Variants in DIAPH2 observed in about 807,000 individuals in gnomAD.
DIAPH2 encodes protein diaphanous homolog 2.
Under a neutral mutation model 92.7 loss-of-function variants are expected in DIAPH2, and 35 were observed. The observed-to-expected ratio is 0.38, with a 90% CI of 0.29 to 0.50. DIAPH2 has a LOEUF of 0.50. Among genes scored for constraint, DIAPH2 ranks in the 20% least tolerant of loss-of-function variants. The pLI, the probability that DIAPH2 is intolerant of heterozygous loss-of-function variation, is 0.94. For synonymous variants in DIAPH2, 301 were observed against 280.4 expected, an observed-to-expected ratio of 1.07 and a Z score of -0.73; for missense variants, 701 against 819.5, an observed-to-expected ratio of 0.86 and a Z score of 1.77.
intron 4 of DIAPH2, among the ~76,000 whole-genome samples, chrX:96,809,243 C>CA (rs1320736455): frequency 1.8e-5 from 2 of 108,456 alleles, no homozygotes; most frequent in East Asian, 2.9e-4. Context: ...CCTCTTATTC[C>CA]AAAAAAGTAA....
chrX:97,087,491 C>A (rs1015513891), intron 19 of DIAPH2, among the ~76,000 whole-genome samples: 12 of 111,450 alleles, frequency 1.1e-4, no homozygotes, highest in Non-Finnish European at 1.5e-4. Flanking sequence ...ACTTAAAATA[C>A]CACTCTCAGT....
intron 17 of DIAPH2, among the ~76,000 whole-genome samples, chrX:97,037,429 G>T (rs1470474258): frequency 9.0e-6 from 1 of 111,518 alleles, no homozygotes; most frequent in Non-Finnish European, 1.9e-5. Flanking sequence ...CTTCCTGCAA[G>T]CATTGCCTTG....
intron 17 of DIAPH2, among the ~76,000 whole-genome samples, chrX:97,038,090 A>G (rs1053549665): frequency 6.3e-5 from 7 of 111,355 alleles, no homozygotes; most frequent in Non-Finnish European, 9.4e-5. Context: ...GCTCCTACTT[A>G]TAAGTGACAA....
At chrX:96,734,476 A>G (rs1408332619) in intron 1 of DIAPH2, among the ~76,000 whole-genome samples, 1 of 111,947 alleles carries the variant, frequency 8.9e-6, no homozygotes, top group African/African-American at 3.2e-5. Context: ...ATAACCCACT[A>G]GAAAAATTAA....
intron 17 of DIAPH2, among the ~76,000 whole-genome samples, chrX:96,967,659 C>T (rs1256669697): frequency 2.7e-5 from 3 of 110,600 alleles, no homozygotes; most frequent in African/African-American, 9.9e-5. Flanking sequence ...TCAGGTAATC[C>T]ACCCGCCTCG....
intron 3 of DIAPH2, among the ~76,000 whole-genome samples, chrX:96,740,883 A>G (rs1332674582): frequency 9.0e-6 from 1 of 110,560 alleles, no homozygotes; most frequent in Non-Finnish European, 1.9e-5. Context: ...TCCCTCAACT[A>G]TGCCCCTAGA....
chrX:97,603,985 A>T lies in DIAPH2; in HGVS notation c.*4668A>T, dbSNP rs2071608141. 1 of 112,613 alleles carries T rather than the reference A, an allele frequency of 8.9e-6. No individual in the cohort carries two copies. The allele number at this position is 112,613 out of a possible 1,213,427, so 9.3% of individuals were successfully genotyped here. A position where few individuals can be genotyped will look rare whatever the true frequency, so the allele number is the denominator to read the frequency against. ...GTTCCACAATCTGCATTAGATTCCC[A>T]TGGCTGCTGTAACAAATTACCCTCT... On this transcript the variant is annotated 3_prime_UTR_variant, in exon 27 of 27. Coordinates refer to ENST00000324765, the MANE Select transcript of DIAPH2 (RefSeq NM_006729.5).
At chrX:97,583,932 T>C (rs2147881717) in intron 26 of DIAPH2, among the ~76,000 whole-genome samples, 1 of 112,184 alleles carries the variant, frequency 8.9e-6, no homozygotes, top group Admixed American at 9.3e-5. Context: ...AGTGACCCGA[T>C]TTTCCAGGTG....
chrX:97,507,138 C>A (rs868831401), intron 26 of DIAPH2, among the ~76,000 whole-genome samples: 4 of 46,684 alleles, frequency 8.6e-5, no homozygotes, highest in African/African-American at 2.1e-4. Context: ...TGAACAAAAC[C>A]GACAAAAAAA....
At chrX:97,381,907 G>A (rs752266344) in intron 24 of DIAPH2, among the ~76,000 whole-genome samples, 8 of 110,898 alleles carry the variant, frequency 7.2e-5, no homozygotes, top group African/African-American at 1.3e-4. Context: ...GTAACCAGCC[G>A]TTTTTTTTCC....
intron 4 of DIAPH2, among the ~76,000 whole-genome samples, chrX:96,834,850 T>A (rs1460234277): frequency 8.9e-6 from 1 of 111,785 alleles, no homozygotes; most frequent in South Asian, 3.7e-4. Context: ...TACCTTTTGA[T>A]TGTATTTGCA....
chrX:97,245,088 T>TA (rs34947451), intron 22 of DIAPH2, among the ~76,000 whole-genome samples: 343 of 94,617 alleles, frequency 3.6e-3, no homozygotes, highest in African/African-American at 8.7e-3. Context: ...AGACTCCGTC[T>TA]AAAAAAAAAA....
intron 23 of DIAPH2, among the ~76,000 whole-genome samples, chrX:97,312,049 C>G (rs771674047): frequency 1.8e-5 from 2 of 110,204 alleles, no homozygotes; most frequent in Admixed American, 9.7e-5. Flanking sequence ...AGGATGGTCT[C>G]GATCTCCTAA....
chrX:97,497,237 A>G (rs1467795394), intron 26 of DIAPH2, among the ~76,000 whole-genome samples: 2 of 111,353 alleles, frequency 1.8e-5, no homozygotes, highest in African/African-American at 3.3e-5. Context: ...CCAGGACCAA[A>G]TAAGATATCA....
At chrX:97,209,427 A>T (rs765049946) in intron 22 of DIAPH2, among the ~76,000 whole-genome samples, 1 of 111,759 alleles carries the variant, frequency 8.9e-6, no homozygotes, top group Admixed American at 9.5e-5. Flanking sequence ...ATTTTAAAAA[A>T]TTGTGCCAAT....
chrX:97,353,650 T>C (rs2069239244), intron 24 of DIAPH2, among the ~76,000 whole-genome samples: 1 of 111,322 alleles, frequency 9.0e-6, no homozygotes, highest in Non-Finnish European at 1.9e-5. Flanking sequence ...CTTTTAATCA[T>C]GCCAGCCAAT....
intron 22 of DIAPH2, among the ~76,000 whole-genome samples, chrX:97,185,496 T>TACAC (rs1284612319): frequency 4.1e-5 from 2 of 49,156 alleles, no homozygotes; most frequent in Non-Finnish European, 6.4e-5. Flanking sequence ...TATATATATA[T>TACAC]ATATATATAT....
At position 97,467,920 on chromosome X, in the gene DIAPH2, A is replaced by C. The variant is rs754924982; in HGVS notation, c.3241+38175A>C. ...ATGTTTGCAGTGGTATTTGGAGGCC[A>C]TGCCAGTTTATTCAGATCACTGGGG... is the stretch of plus-strand genomic sequence containing the variant. On this transcript the variant is annotated intron_variant, in intron 26 of 26. Coordinates refer to ENST00000324765, the MANE Select transcript of DIAPH2 (RefSeq NM_006729.5). 1.8e-3 allele frequency among the ~76,000 whole-genome samples: 197 copies of C among 111,679 alleles called. 1 individual carries two copies. The highest frequency in any genetic ancestry group is 2.7e-3 in the Non-Finnish European group (142 of 53,185).
At chrX:97,006,450 C>G (rs1170174669) in intron 17 of DIAPH2, among the ~76,000 whole-genome samples, 1 of 112,222 alleles carries the variant, frequency 8.9e-6, no homozygotes, top group Non-Finnish European at 1.9e-5. Flanking sequence ...TTTCACAAAT[C>G]TGGGTGCTCC....
Sources: allele counts gnomAD v4.1 joint callset (sites outside exome capture counted in the v4.1 genomes callset), GRCh38; gene constraint gnomAD v4.1.1; transcripts MANE v1.5; gene names NCBI Gene and HGNC (gene_info 2026-07-23, HGNC 2026-07-21).